The following ZPBP variants were observed in gnomAD, a reference collection of about 807,000 sequenced individuals.
ZPBP encodes the protein zona pellucida-binding protein 1.
ZPBP carries 26 observed loss-of-function variants against 44.8 expected under a neutral mutation model. The observed-to-expected ratio is 0.58, with a 90% confidence interval of 0.43 to 0.81. The LOEUF (loss-of-function observed/expected upper bound fraction) is 0.81, where lower values mean the gene tolerates loss of function less well. Ranked by LOEUF, ZPBP falls within the 30% of genes least tolerant of loss-of-function variation. ZPBP has a pLI of 0.00. For synonymous variants in ZPBP, 174 were observed against 153.2 expected (o/e 1.14, Z -1.00); for missense variants, 409 against 434.0 (o/e 0.94, Z 0.51).
At chr7:49,924,136 AAAT>A (rs59183596) in intron 1 of ZPBP, among the ~76,000 whole-genome samples, 16 of 149,448 alleles carry the variant, frequency 1.1e-4, no homozygotes, top group East Asian at 5.8e-4. Flanking sequence ...TAATAATAAT[AAAT>A]AATAATAATA....
chr7:49,950,492 T>A (rs540050044), intron 7 of ZPBP, among the ~76,000 whole-genome samples: 1 of 151,944 alleles, frequency 6.6e-6, no homozygotes, highest in African/African-American at 2.4e-5. Flanking sequence ...ATGATCTCTA[T>A]ACTTAAGACA....
chr7:49,962,234 C>A (rs1795889806), intron 7 of ZPBP, among the ~76,000 whole-genome samples: 1 of 151,642 alleles, frequency 6.6e-6, no homozygotes, highest in South Asian at 2.1e-4. Context: ...TGAATATAGA[C>A]ACAAAAATCC....
chr7:49,895,769 T>G (rs1368344186), intron 2 of ZPBP, among the ~76,000 whole-genome samples: 1 of 152,098 alleles, frequency 6.6e-6, no homozygotes, highest in African/African-American at 2.4e-5. Flanking sequence ...AATATAAAAA[T>G]TAAGTAGCAT....
chr7:50,058,793 C>A (rs1360638405), intron 3 of ZPBP, among the ~76,000 whole-genome samples: 2 of 152,126 alleles, frequency 1.3e-5, no homozygotes, highest in East Asian at 3.9e-4. Context: ...TTTCAACATA[C>A]TTCATTATTT....
chr7:49,889,764 C>T (rs1363144278), intron 2 of ZPBP, among the ~76,000 whole-genome samples: 1 of 152,154 alleles, frequency 6.6e-6, no homozygotes, highest in Non-Finnish European at 1.5e-5. Context: ...ACCTGATTAA[C>T]ATATTTTGAA....
downstream of ZPBP, among the ~76,000 whole-genome samples, chr7:49,935,297 T>C (rs1200672385): frequency 6.6e-6 from 1 of 152,210 alleles, no homozygotes; most frequent in African/African-American, 2.4e-5. Flanking sequence ...TGATAAGTGA[T>C]ATAACGAAGA....
Position 50,035,875 on chromosome 7 carries a change from C to T in ZPBP, c.488-4565G>A, listed in dbSNP as rs77800298. On this transcript the variant is annotated intron_variant, in intron 4 of 7. Coordinates refer to ENST00000046087, the MANE Select transcript of ZPBP (RefSeq NM_007009.3). ...AGAACAGGAAATTATAAAACAAAAA[C>T]AGGTGGATATGACCAAAAACAAGTG... Among the ~76,000 whole-genome samples, 1,286 of 152,050 alleles carry T rather than the reference C, an allele frequency of 8.5e-3. 23 individuals carry two copies. The highest frequency in any genetic ancestry group is 0.029 in the African/African-American group (1,208 of 41,500).
rs1311814441 is a variant in ZPBP, at chr7:50,058,015, C to T, written c.461G>A (p.Arg154His). 3.1e-6 allele frequency: 5 copies of T among 1,611,768 alleles called. No individual in the cohort carries two copies. Among genetic ancestry groups the T allele is most frequent in the South Asian group, 1.1e-5 (1 of 90,988 alleles). Reference protein sequence around the residue: ...YKPTVEEIVKRLQLKYAIYAY... With the variant: ...YKPTVEEIVKHLQLKYAIYAY... The stretch of plus-strand genomic sequence containing the variant: ...ATATATAGCATATTTTAGTTGAAGA[C>T]GTTTAACAATTTCTTCCACAGTAGG... Residue 154 changes from arginine to histidine, a missense_variant, in exon 4 of 8, where the codon CGT becomes CAT. Physicochemically the swap from Arg to His is conservative, Grantham distance 29. This residue lies in a region of ZPBP where 367 missense variants were observed against 363.1 expected (regional missense o/e 1.01). Transcript: ENST00000046087.
At chr7:49,851,293 T>A (rs1790169952) in intron 2 of ZPBP, among the ~76,000 whole-genome samples, 1 of 152,208 alleles carries the variant, frequency 6.6e-6, no homozygotes, top group Non-Finnish European at 1.5e-5. Flanking sequence ...CAGACCCTTC[T>A]TAATTACATT....
At chr7:49,858,873 C>A (rs1790535634) in intron 2 of ZPBP, among the ~76,000 whole-genome samples, 1 of 151,972 alleles carries the variant, frequency 6.6e-6, no homozygotes, top group African/African-American at 2.4e-5. Context: ...AAAAACTTAC[C>A]TTGTTTCCTT....
At chr7:50,084,799 T>C (rs552676770) in intron 2 of ZPBP, among the ~76,000 whole-genome samples, 10 of 152,166 alleles carry the variant, frequency 6.6e-5, no homozygotes, top group African/African-American at 1.4e-4. Flanking sequence ...AAAGTTGTCA[T>C]TGGGGAGATC....
At chr7:50,025,043 T>C (rs1039048946) in intron 5 of ZPBP, among the ~76,000 whole-genome samples, 6 of 151,814 alleles carry the variant, frequency 4.0e-5, no homozygotes, top group Admixed American at 2.0e-4. Flanking sequence ...TTGAAAACAA[T>C]GAAATGCCAT....
intron 4 of ZPBP, among the ~76,000 whole-genome samples, chr7:50,047,836 C>T (rs1478742986): frequency 6.6e-6 from 1 of 152,094 alleles, no homozygotes; most frequent in African/African-American, 2.4e-5. Context: ...CACAATAGGT[C>T]ATTAGAAGAT....
At chr7:49,877,481 A>AAATATACAT in intron 2 of ZPBP, among the ~76,000 whole-genome samples, 1 of 12,722 alleles carries the variant, frequency 7.9e-5, no homozygotes, top group African/African-American at 2.8e-4. Context: ...AAAAAAAAAA[A>AAATATACAT]ATATATATAT....
intron 2 of ZPBP, among the ~76,000 whole-genome samples, chr7:49,858,511 C>T (rs1223254284): frequency 7.0e-6 from 1 of 142,464 alleles, no homozygotes; most frequent in Non-Finnish European, 1.5e-5. Context: ...ACAATGACAA[C>T]ACACGGACAC....
intron 1 of ZPBP, chr7:49,921,649 T>C (rs1794022955): frequency 6.6e-6 from 1 of 152,216 alleles, no homozygotes. Flanking sequence ...ACAAGATCTA[T>C]GTAAAGTGTT....
downstream of ZPBP, among the ~76,000 whole-genome samples, chr7:49,936,638 G>T (rs1794628418): frequency 6.6e-6 from 1 of 152,092 alleles, no homozygotes; most frequent in Admixed American, 6.5e-5. Context: ...ACAATAATTG[G>T]AAAAATTGAG....
At chr7:50,042,981 G>A (rs772970554) in intron 4 of ZPBP, among the ~76,000 whole-genome samples, 6 of 152,114 alleles carry the variant, frequency 3.9e-5, no homozygotes, top group Non-Finnish European at 5.9e-5. Flanking sequence ...TGACATGCTC[G>A]TGATGGCCAT....
intron 4 of ZPBP, among the ~76,000 whole-genome samples, chr7:50,051,477 T>G (rs1468031166): frequency 1.3e-5 from 2 of 152,178 alleles, no homozygotes; most frequent in African/African-American, 4.8e-5. Flanking sequence ...CGAGGATACA[T>G]GCACTGATAC....
Sources: allele counts gnomAD v4.1 joint callset (sites outside exome capture counted in the v4.1 genomes callset), GRCh38; gene constraint gnomAD v4.1.1; regional missense constraint gnomAD v4.1.1; transcripts MANE v1.5; gene names NCBI Gene and HGNC (gene_info 2026-07-23, HGNC 2026-07-21).